ARHGAP24: variants seen among roughly 807,000 people sequenced by gnomAD.
ARHGAP24 encodes the protein Rho GTPase activating protein 24, also known as rho GTPase-activating protein 24.
ARHGAP24 carries 50 observed loss-of-function variants against 76.4 expected under a neutral mutation model. That is an observed-to-expected ratio of 0.65 (90% CI 0.52 to 0.83). ARHGAP24 has a LOEUF of 0.83. ARHGAP24 is among the 40% of genes least tolerant of loss of function. The probability of loss-of-function intolerance (pLI) is 0.00; values close to 1 mark genes in which losing one functional copy is unlikely to be tolerated. For synonymous variants in ARHGAP24, 345 were observed against 323.3 expected, an observed-to-expected ratio of 1.07 and a Z score of -0.72; for missense variants, 930 against 914.2, an observed-to-expected ratio of 1.02 and a Z score of -0.22.
rs543072804 is a variant in ARHGAP24 at position 85,809,942 on chromosome 4, C to T, written c.268+87970C>T. On this transcript the variant is annotated intron_variant, in intron 3 of 9. Coordinates refer to ENST00000395184, the MANE Select transcript of ARHGAP24 (RefSeq NM_001025616.3). ...GAGTCAAATCCTGATTTATAACCTA[C>T]CCAGCATGTAATTGAGGGCAAGTCA... Among the ~76,000 whole-genome samples the T allele has an allele frequency of 2.0e-5, 3 of 152,238 alleles. No homozygotes were observed. In the East Asian group the frequency reaches 5.8e-4, roughly 29 times the overall value.
At chr4:85,857,740 T>C (rs1184441985) in intron 3 of ARHGAP24, among the ~76,000 whole-genome samples, 3 of 152,284 alleles carry the variant, frequency 2.0e-5, no homozygotes, top group African/African-American at 7.2e-5. Context: ...CTCTCTTCAA[T>C]TGTAAGATAT....
At chr4:85,708,038 T>A (rs1479103391) in intron 2 of ARHGAP24, among the ~76,000 whole-genome samples, 1 of 152,134 alleles carries the variant, frequency 6.6e-6, no homozygotes, top group East Asian at 1.9e-4. Context: ...GTCAGAGGAT[T>A]GCTGGTCTTC....
At chr4:85,959,301 G>C (rs925031407) in intron 5 of ARHGAP24, among the ~76,000 whole-genome samples, 1 of 152,132 alleles carries the variant, frequency 6.6e-6, no homozygotes, top group African/African-American at 2.4e-5. Flanking sequence ...TTGCCATGTT[G>C]GTTTTGAGGG....
intron 9 of ARHGAP24, chr4:86,000,272 A>C (rs1487595026): frequency 1.5e-5 from 7 of 455,746 alleles, no homozygotes; most frequent in Non-Finnish European, 2.8e-5. Flanking sequence ...CTAATGACTA[A>C]GGTGACAGTA....
chr4:85,774,076 G>A (rs1727222817), intron 3 of ARHGAP24, among the ~76,000 whole-genome samples: 1 of 152,174 alleles, frequency 6.6e-6, no homozygotes, highest in African/African-American at 2.4e-5. Context: ...GGCACTTAGG[G>A]AAAGCCATTC....
chr4:85,735,218 T>A lies in ARHGAP24; in HGVS notation c.268+13246T>A, dbSNP rs573135187. Among the ~76,000 whole-genome samples, 3 of 152,316 alleles carry A rather than the reference T, an allele frequency of 2.0e-5. No individual in the cohort carries two copies. In the East Asian group the frequency reaches 5.8e-4, roughly 29 times the overall value. ...AATGAATCTCATGCATACTAAAGTT[T>A]TAAAAATATGAACATACGATCATGC... On this transcript the variant is annotated intron_variant, in intron 3 of 9. Transcript: ENST00000395184.
chr4:85,751,794 G>C (rs1230055319), intron 3 of ARHGAP24, among the ~76,000 whole-genome samples: 1 of 152,184 alleles, frequency 6.6e-6, no homozygotes, highest in Non-Finnish European at 1.5e-5. Flanking sequence ...TTGAAAAGGG[G>C]AGAGGAAGAA....
At chr4:85,683,124 G>GT (rs1553922576) in intron 2 of ARHGAP24, among the ~76,000 whole-genome samples, 3 of 110,132 alleles carry the variant, frequency 2.7e-5, no homozygotes, top group East Asian at 8.1e-4. Flanking sequence ...GGGTGGGGGG[G>GT]GGGTGCGGGG....
chr4:85,951,230 T>A (rs982322215), intron 5 of ARHGAP24, among the ~76,000 whole-genome samples: 1 of 152,058 alleles, frequency 6.6e-6, no homozygotes, highest in Non-Finnish European at 1.5e-5. Flanking sequence ...GAATAACATA[T>A]TTGTGGCAAA....
At chr4:85,784,953 A>C (rs151241189) in intron 3 of ARHGAP24, among the ~76,000 whole-genome samples, 6 of 110,964 alleles carry the variant, frequency 5.4e-5, no homozygotes, top group Admixed American at 1.8e-4. Flanking sequence ...CTATCTATCT[A>C]TCTATCTCTC....
intron 3 of ARHGAP24, among the ~76,000 whole-genome samples, chr4:85,903,591 C>T (rs1322098508): frequency 1.3e-5 from 2 of 151,944 alleles, no homozygotes; most frequent in Non-Finnish European, 2.9e-5. Context: ...AAAACTGTTT[C>T]AGTTTAAAGC....
chr4:85,573,310 T>C (rs1727214864), intron 2 of ARHGAP24, among the ~76,000 whole-genome samples: 1 of 152,258 alleles, frequency 6.6e-6, no homozygotes, highest in African/African-American at 2.4e-5. Flanking sequence ...GATTAAGAAC[T>C]GACAATTTCT....
At position 85,625,782 on chromosome 4, in the gene ARHGAP24, T is replaced by A. The variant is rs1260331452; in HGVS notation, c.180+55061T>A. ...GTATTGGGTGCATATATATTTAGGA[T>A]AGTTAGCTCTTCTTATTAATTGATC... On this transcript the variant is annotated intron_variant, in intron 2 of 9. Coordinates refer to ENST00000395184, the MANE Select transcript of ARHGAP24 (RefSeq NM_001025616.3). Among the ~76,000 whole-genome samples, 4 of 152,224 alleles carry A rather than the reference T, an allele frequency of 2.6e-5. No individual in the cohort carries two copies. The East Asian group carries it at 5.8e-4, about 22-fold the overall frequency.
intron 5 of ARHGAP24, among the ~76,000 whole-genome samples, chr4:85,942,831 A>C (rs1737030708): frequency 6.6e-6 from 1 of 152,106 alleles, no homozygotes; most frequent in African/African-American, 2.4e-5. Flanking sequence ...TCCACTAATA[A>C]AGAGTTAATC....
rs34088236 is a variant in ARHGAP24, at chr4:86,000,659, G to A, written c.2184G>A (p.Thr728=). ...LQKEMEQFFS[T]FGELTVEPRR... ...AAGAAATGGAGCAGTTTTTTTCCAC[G>A]TTTGGAGAACTGACAGTGGAACCCA... The change falls in exon 10 of 10, where the codon ACG becomes ACA. Residue 728 remains threonine, a synonymous_variant. Transcript: ENST00000395184. 14,774 of 1,613,862 alleles carry A rather than the reference G, an allele frequency of 9.2e-3. 1,050 individuals carry two copies. In the African/African-American group the frequency reaches 0.16, roughly 18 times the overall value.
chr4:85,981,429 A>G (rs562621743), intron 8 of ARHGAP24, among the ~76,000 whole-genome samples: 6 of 152,298 alleles, frequency 3.9e-5, no homozygotes, highest in African/African-American at 1.4e-4. Context: ...AATCTATAGT[A>G]TCTTTGATAC....
intron 3 of ARHGAP24, among the ~76,000 whole-genome samples, chr4:85,838,442 A>G (rs1358127729): frequency 6.6e-6 from 1 of 152,172 alleles, no homozygotes; most frequent in East Asian, 1.9e-4. Context: ...CTAAAAATAC[A>G]AAAGCAATTA....
chr4:85,482,251 GA>G (rs1221124040), intron 1 of ARHGAP24, among the ~76,000 whole-genome samples: 1 of 152,184 alleles, frequency 6.6e-6, no homozygotes, highest in Non-Finnish European at 1.5e-5. Context: ...ATCGTCAAGT[GA>G]AATGTTGATG....
At chr4:85,530,797 C>T (rs1725227248) in intron 1 of ARHGAP24, among the ~76,000 whole-genome samples, 1 of 151,890 alleles carries the variant, frequency 6.6e-6, no homozygotes, top group Non-Finnish European at 1.5e-5. Flanking sequence ...GCAAAGATCC[C>T]TAGGAAATTC....
Sources: allele counts gnomAD v4.1 joint callset (sites outside exome capture counted in the v4.1 genomes callset), GRCh38; gene constraint gnomAD v4.1.1; transcripts MANE v1.5; gene names NCBI Gene and HGNC (gene_info 2026-07-23, HGNC 2026-07-21).